The following ZNF597 variants were observed in gnomAD, a reference collection of about 807,000 sequenced individuals.
The protein encoded by ZNF597 is zinc finger protein 597.
ZNF597 carries 5 observed loss-of-function variants against 7.3 expected under a neutral mutation model. That is an observed-to-expected ratio of 0.68 (90% CI 0.36 to 1.44). The LOEUF (loss-of-function observed/expected upper bound fraction) is 1.44, where lower values mean the gene tolerates loss of function less well. Among genes scored for constraint, ZNF597 ranks in the 40% most tolerant of loss-of-function variants. The pLI is 0.04. For missense variants in ZNF597, 585 were observed against 517.9 expected, an observed-to-expected ratio of 1.13 and a Z score of -1.26; for synonymous variants, 209 against 185.4, an observed-to-expected ratio of 1.13 and a Z score of -1.04.
rs998085284 is a variant in ZNF597 at position 3,443,180 on chromosome 16, A to G, written c.-27T>C. On this transcript the variant is annotated 5_prime_UTR_variant, in exon 2 of 4. Transcript: ENST00000301744. ...TGGCGGGTGGGGAATGCCTTCTTCA[A>G]GACGCCACAGGGACTTCGTGACAAA... is the stretch of plus-strand genomic sequence containing the variant. The G allele has an allele frequency of 6.2e-7, 1 of 1,608,892 alleles. No homozygotes were observed. The highest frequency in any genetic ancestry group is 8.5e-7 in the Non-Finnish European group (1 of 1,177,348).
chr16:3,442,108 T>C (rs2034388633), intron 2 of ZNF597, among the ~76,000 whole-genome samples: 1 of 152,180 alleles, frequency 6.6e-6, no homozygotes, highest in Non-Finnish European at 1.5e-5. Flanking sequence ...ATGACACTCA[T>C]TGCTAAGCTC....
intron 3 of ZNF597, among the ~76,000 whole-genome samples, chr16:3,440,581 C>T (rs936222807): frequency 1.4e-4 from 21 of 151,918 alleles, no homozygotes; most frequent in African/African-American, 4.6e-4. Context: ...TTGCAGTGAG[C>T]AGAGATCGTG....
At chr16:3,438,926 T>C (rs1335421805) in intron 3 of ZNF597, among the ~76,000 whole-genome samples, 1 of 152,178 alleles carries the variant, frequency 6.6e-6, no homozygotes, top group Admixed American at 6.5e-5. Context: ...GGCTGCAGTA[T>C]AGTTCATGGG....
chr16:3,435,395 C>G lies in ZNF597; in HGVS notation c.*1029G>C, dbSNP rs754392416. On this transcript the variant is annotated 3_prime_UTR_variant, in exon 4 of 4. Coordinates refer to ENST00000301744, the MANE Select transcript of ZNF597 (RefSeq NM_152457.3). ...CTTTCCCTGGCTGCCTGCAGTGCTA[C>G]TACGTGGTGCAAATGCCAACAAATG... 1.3e-5 allele frequency: 2 copies of G among 152,258 alleles called. No homozygotes were observed. The highest frequency in any genetic ancestry group is 2.9e-5 in the Non-Finnish European group (2 of 68,072). 9.4% of individuals were successfully genotyped at this position (152,258 alleles called of 1,614,324 possible).
chr16:3,443,299 C>T, intron 1 of ZNF597, 61 bp downstream of exon 1: 1 of 760,836 alleles, frequency 1.3e-6, no homozygotes, highest in South Asian at 1.9e-5. Flanking sequence ...CCGAACCCCC[C>T]CTTAAAAACC....
At position 3,443,133 on chromosome 16, in the gene ZNF597, C is replaced by T; in HGVS notation, c.21G>A (p.Thr7=). 1.2e-6 allele frequency: 2 copies of T among 1,613,818 alleles called. No homozygotes were observed. The highest frequency in any genetic ancestry group is 1.7e-6 in the Non-Finnish European group (2 of 1,179,866). MASMPP[T]PEAQGPILFE... ...TACCTCGACTCACCTGGGCCTCGGG[C>T]GTCGGGGGCATGGACGCCATTTGGC... Residue 7 remains threonine, a synonymous_variant, in exon 2 of 4, where the codon ACG becomes ACA. Coordinates refer to ENST00000301744, the MANE Select transcript of ZNF597 (RefSeq NM_152457.3).
At chr16:3,443,023 C>T in intron 2 of ZNF597, 98 bp downstream of exon 2, 1 of 1,478,574 alleles carries the variant, frequency 6.8e-7, no homozygotes, top group Non-Finnish European at 9.5e-7. Flanking sequence ...AGGAGCACTC[C>T]TACCACAACA....
At position 3,436,679 on chromosome 16, in the gene ZNF597, G is replaced by T. The variant is rs183098992; in HGVS notation, c.1020C>A (p.Pro340=). Residue 340 remains proline, a synonymous_variant, in exon 4 of 4, where the codon CCC becomes CCA. Transcript: ENST00000301744. ...TCATGTCACAGTCAGGACACTGTAA[G>T]GGCTTGAATTTTGAGAATGAGAAGA... is the stretch of plus-strand genomic sequence containing the variant. ...DNFFSFSKFK[P]LQCPDCDMTF... The T allele has an allele frequency of 1.4e-5, 23 of 1,613,788 alleles. No individual in the cohort carries two copies. The highest frequency in any genetic ancestry group is 5.0e-5 in the Admixed American group (3 of 59,958).
rs1763454504 is a variant in ZNF597 at position 3,433,461 on chromosome 16, GTGT to G, written c.*2960_*2962del. ...AGCACAAAGTTTTCACTCTCATAGT[GTGT>G]TGATTTCCATGCTGCAAAATGCAGT... On this transcript the variant is annotated 3_prime_UTR_variant, in exon 4 of 4. Transcript: ENST00000301744. 6.6e-6 allele frequency: 1 copy of G among 152,218 alleles called. No individual in the cohort carries two copies. Among genetic ancestry groups the G allele is most frequent in the South Asian group, 2.1e-4 (1 of 4,836 alleles). 9.4% of individuals were successfully genotyped at this position (152,218 alleles called of 1,614,324 possible).
rs2034301452 is a variant in ZNF597 at position 3,436,486 on chromosome 16, T to C, written c.1213A>G (p.Thr405Ala). The C allele has an allele frequency of 6.2e-7, 1 of 1,614,080 alleles. No homozygotes were observed. Among genetic ancestry groups the C allele is most frequent in the Admixed American group, 1.7e-5 (1 of 59,998 alleles). Residue 405 changes from threonine (T) to alanine (A), a missense_variant, in exon 4 of 4, where the codon ACT becomes GCT. Coordinates refer to ENST00000301744, the MANE Select transcript of ZNF597 (RefSeq NM_152457.3). ...EPFKCTVCGK[T>A]FKSNLHLITH... ...ATGAGATGCAAATTCGACTTGAAAGTTTTCCCACACACGGTACATTTAAAA... is the reference window on the plus strand; with the variant it reads ...ATGAGATGCAAATTCGACTTGAAAGCTTTCCCACACACGGTACATTTAAAA...
intron 3 of ZNF597, 98 bp from the exon 4 acceptor site, chr16:3,437,636 C>T (rs2034319558): frequency 6.9e-7 from 1 of 1,453,874 alleles, no homozygotes; most frequent in Non-Finnish European, 9.0e-7. Flanking sequence ...GACCAGGAAA[C>T]CTTAGAAGGG....
In ZNF597 at chr16:3,436,339, A is replaced by G. The variant is rs1209818561; in HGVS notation, c.*85T>C. ...GGAATGTGTGTAAAGTGCTTAGCAC[A>G]TTGCCTGGGACATATACAGTAACTG... is the stretch of plus-strand genomic sequence containing the variant. On this transcript the variant is annotated 3_prime_UTR_variant, in exon 4 of 4. Coordinates refer to ENST00000301744, the MANE Select transcript of ZNF597 (RefSeq NM_152457.3). The G allele has an allele frequency of 2.3e-6, 3 of 1,315,158 alleles. No individual in the cohort carries two copies. The highest frequency in any genetic ancestry group is 3.1e-6 in the Non-Finnish European group (3 of 957,694). 81.5% of individuals were successfully genotyped at this position (1,315,158 alleles called of 1,614,324 possible).
chr16:3,438,527 C>T (rs2034329437), intron 3 of ZNF597, among the ~76,000 whole-genome samples: 1 of 151,740 alleles, frequency 6.6e-6, no homozygotes, highest in Non-Finnish European at 1.5e-5. Flanking sequence ...CGCGCCACTG[C>T]ACTCCAGCCT....
chr16:3,436,963 C>G lies in ZNF597; in HGVS notation c.736G>C (p.Gly246Arg), dbSNP rs2034310297. ...CCTGGGAGCCACATAAAACCTCTAC[C>G]ACATATGCTACATGTATAGGGCTTC... ...KEKPYTCSIC[G>R]RGFMWLPGLA... The change falls in exon 4 of 4, where the codon GGT becomes CGT. Residue 246 changes from glycine (G) to arginine (R), a missense_variant. Coordinates refer to ENST00000301744, the MANE Select transcript of ZNF597 (RefSeq NM_152457.3). The G allele has an allele frequency of 6.2e-7, 1 of 1,614,130 alleles. No homozygotes were observed. Among genetic ancestry groups the G allele is most frequent in the Middle Eastern group, 1.6e-4 (1 of 6,062 alleles).
rs1225861837 is a variant in ZNF597 at position 3,436,055 on chromosome 16, T to A, written c.*369A>T. 1 of 195,990 alleles carries A rather than the reference T, an allele frequency of 5.1e-6. No homozygotes were observed. The highest frequency in any genetic ancestry group is 1.0e-5 in the Non-Finnish European group (1 of 96,278). 12.1% of individuals were successfully genotyped at this position (195,990 alleles called of 1,614,324 possible). On this transcript the variant is annotated 3_prime_UTR_variant, in exon 4 of 4. Transcript: ENST00000301744. ...AGATATGTCTGCAGAACTGGCAAAA[T>A]ATAAATAAATTCTCCTCCTTCTAAA... is the stretch of plus-strand genomic sequence containing the variant.
At chr16:3,442,780 GA>G (rs1460784553) in intron 2 of ZNF597, among the ~76,000 whole-genome samples, 5 of 152,210 alleles carry the variant, frequency 3.3e-5, no homozygotes, top group Non-Finnish European at 7.4e-5. Context: ...GTTCCAGACG[GA>G]GCTATGATAT....
Position 3,436,814 on chromosome 16 carries a change from C to T in ZNF597, c.885G>A (p.Gln295=), listed in dbSNP as rs745746097. 200 of 1,613,584 alleles carry T rather than the reference C, an allele frequency of 1.2e-4. No homozygotes were observed. Among genetic ancestry groups the T allele is most frequent in the Non-Finnish European group, 1.6e-4 (187 of 1,180,032 alleles). Residue 295 remains glutamine, a synonymous_variant, in exon 4 of 4, where the codon CAG becomes CAA. Coordinates refer to ENST00000301744, the MANE Select transcript of ZNF597 (RefSeq NM_152457.3). ...TCTTCATGCACTTAGTGTGCTGGTA[C>T]TGGGGGCCTGATACGAATGTTTCCT... ...LPEETFVSGP[Q]YQHTKCMKSF...
In ZNF597 at chr16:3,440,799, T is replaced by G; in HGVS notation, c.160+8A>C. On this transcript the variant is annotated splice_region_variant and intron_variant, in intron 3 of 3. Coordinates refer to ENST00000301744, the MANE Select transcript of ZNF597 (RefSeq NM_152457.3). ...AAGTTCCAGATGCAGGAAAAACAAT[T>G]GCCTTACCCATCAAAGCCGCATCCT... The G allele has an allele frequency of 6.2e-7, 1 of 1,612,124 alleles. No homozygotes were observed. Among genetic ancestry groups the G allele is most frequent in the Non-Finnish European group, 8.5e-7 (1 of 1,179,316 alleles).
At chr16:3,439,266 C>G (rs1265619232) in intron 3 of ZNF597, among the ~76,000 whole-genome samples, 1 of 151,956 alleles carries the variant, frequency 6.6e-6, no homozygotes, top group African/African-American at 2.4e-5. Context: ...GCCTGTAGTC[C>G]CAGCTACTTG....
Sources: allele counts gnomAD v4.1 joint callset (sites outside exome capture counted in the v4.1 genomes callset), GRCh38; gene constraint gnomAD v4.1.1; transcripts MANE v1.5; gene names NCBI Gene and HGNC (gene_info 2026-07-23, HGNC 2026-07-21).